The following ZNF248 variants were observed in gnomAD, a reference collection of about 807,000 sequenced individuals.
The protein encoded by ZNF248 is KRAB protein domain.
In ZNF248, 20 loss-of-function variants were observed where a neutral mutation model predicts 44.3. The ratio of observed to expected loss-of-function variants is 0.45; its 90% CI spans 0.32 to 0.66. The LOEUF is 0.66. Among genes scored for constraint, ZNF248 ranks in the 30% least tolerant of loss-of-function variants. ZNF248 has a pLI of 0.04. For synonymous variants in ZNF248, 224 were observed against 229.0 expected, an observed-to-expected ratio of 0.98 and a Z score of 0.20; for missense variants, 654 against 677.0, an observed-to-expected ratio of 0.97 and a Z score of 0.38.
chr10:37,831,848 C>T lies in ZNF248; in HGVS notation c.1507G>A (p.Val503Met), dbSNP rs1203067684. 1 of 1,613,974 alleles carries T rather than the reference C, an allele frequency of 6.2e-7. No individual in the cohort carries two copies. The highest frequency in any genetic ancestry group is 1.7e-5 in the Admixed American group (1 of 60,000). Residue 503 changes from valine to methionine, a missense_variant, in exon 6 of 6, where the codon GTG (valine) becomes ATG (methionine). Coordinates refer to ENST00000395867, the MANE Select transcript of ZNF248 (RefSeq NM_021045.3). The stretch of plus-strand genomic sequence containing the variant: ...TGATGTACAATGAGGTTTGACTTCA[C>T]ACAGAAGGATTTTCCACATTCATTA... Reference protein sequence around the residue: ...ICNECGKSFCVKSNLIVHQRT... With the variant: ...ICNECGKSFCMKSNLIVHQRT...
At chr10:37,771,531 TC>T (rs2046224311), downstream of ZNF248, among the ~76,000 whole-genome samples, 2 of 138,362 alleles carry the variant, frequency 1.4e-5, no homozygotes, top group Non-Finnish European at 3.1e-5. Context: ...GACAAAAAAA[TC>T]AAAACACCGC....
the ZNF248 span, among the ~76,000 whole-genome samples, chr10:37,762,763 T>C: frequency 6.6e-6 from 1 of 152,310 alleles, no homozygotes; most frequent in East Asian, 1.9e-4. Flanking sequence ...CTTGGCACAC[T>C]CGAGGCTTCC....
intron 6 of ZNF248, among the ~76,000 whole-genome samples, chr10:37,778,484 G>A (rs1274484190): frequency 1.3e-5 from 2 of 151,618 alleles, no homozygotes; most frequent in Admixed American, 1.3e-4. Flanking sequence ...CATTTTGTAG[G>A]TTGCCTGTTC....
chr10:37,855,603 C>T (rs1246066697), intron 3 of ZNF248, among the ~76,000 whole-genome samples: 4 of 152,110 alleles, frequency 2.6e-5, no homozygotes, highest in Admixed American at 2.6e-4. Flanking sequence ...CAGAGGGTGG[C>T]ATTACAGACA....
intron 3 of ZNF248, among the ~76,000 whole-genome samples, chr10:37,853,190 C>A (rs1482350692): frequency 6.6e-6 from 1 of 152,102 alleles, no homozygotes; most frequent in Non-Finnish European, 1.5e-5. Flanking sequence ...ACCTCAGAAC[C>A]AACCCCTGCC....
chr10:37,811,466 C>A (rs558678965), intron 6 of ZNF248, among the ~76,000 whole-genome samples: 9 of 151,694 alleles, frequency 5.9e-5, no homozygotes, highest in East Asian at 1.9e-4. Flanking sequence ...ATAAAAAAAA[C>A]CATGAAGGAT....
At position 37,829,462 on chromosome 10, in the gene ZNF248, C is replaced by T. The variant is rs1410218585; in HGVS notation, c.*2153G>A. The T allele has an allele frequency of 1.0e-6, 1 of 985,204 alleles. No individual in the cohort carries two copies. The highest frequency in any genetic ancestry group is 1.2e-6 in the Non-Finnish European group (1 of 829,920). The allele number at this position is 985,204 out of a possible 1,614,324, so 61.0% of individuals were successfully genotyped here. On this transcript the variant is annotated 3_prime_UTR_variant, in exon 6 of 6. Coordinates refer to ENST00000395867, the MANE Select transcript of ZNF248 (RefSeq NM_021045.3). ...ACTTGTGAAAAGAAATAATTCTTCC[C>T]CCTAATTACCATATAGAACATTAAC...
chr10:37,818,282 T>C (rs1218574039), intron 6 of ZNF248, among the ~76,000 whole-genome samples: 1 of 152,184 alleles, frequency 6.6e-6, no homozygotes, highest in East Asian at 1.9e-4. Flanking sequence ...CCCGTGAGTC[T>C]GCATGTTTTC....
At chr10:37,801,172 C>T (rs1431620400) in intron 6 of ZNF248, among the ~76,000 whole-genome samples, 2 of 151,796 alleles carry the variant, frequency 1.3e-5, no homozygotes, top group Non-Finnish European at 2.9e-5. Flanking sequence ...GTCAGGAGAT[C>T]GAGACCATCC....
the ZNF248 span, among the ~76,000 whole-genome samples, chr10:37,771,081 C>T: frequency 3.9e-5 from 6 of 152,314 alleles, no homozygotes; most frequent in African/African-American, 1.2e-4. Flanking sequence ...GATACCATCT[C>T]ACACCAGTTA....
intron 4 of ZNF248, 28 bp from the exon 5 acceptor site, chr10:37,837,740 G>A: frequency 6.3e-7 from 1 of 1,597,002 alleles, no homozygotes; most frequent in Admixed American, 1.7e-5. Flanking sequence ...CACAGGACTA[G>A]AGCTAAATAG....
At chr10:37,847,208 T>C (rs1316900838) in intron 3 of ZNF248, among the ~76,000 whole-genome samples, 1 of 152,024 alleles carries the variant, frequency 6.6e-6, no homozygotes, top group African/African-American at 2.4e-5. Flanking sequence ...TTTATTTTTA[T>C]TTTTATTTAT....
chr10:37,817,962 C>A (rs1271975641), intron 6 of ZNF248, among the ~76,000 whole-genome samples: 1 of 152,132 alleles, frequency 6.6e-6, no homozygotes, highest in Non-Finnish European at 1.5e-5. Context: ...GTCGCCCAGG[C>A]TGGAGTGCAG....
At chr10:37,787,605 A>C (rs760643688) in intron 6 of ZNF248, among the ~76,000 whole-genome samples, 1 of 151,834 alleles carries the variant, frequency 6.6e-6, no homozygotes, top group African/African-American at 2.4e-5. Context: ...AACAAATTGT[A>C]TGTCCACAAA....
intron 6 of ZNF248, among the ~76,000 whole-genome samples, chr10:37,796,697 CTT>C (rs200137373): frequency 7.1e-6 from 1 of 141,618 alleles, no homozygotes; most frequent in Non-Finnish European, 1.6e-5. Flanking sequence ...TCTAGGTTAC[CTT>C]TTTTTTTTTT....
At chr10:37,809,553 C>T (rs1322332404) in intron 6 of ZNF248, among the ~76,000 whole-genome samples, 3 of 152,222 alleles carry the variant, frequency 2.0e-5, no homozygotes, top group African/African-American at 7.2e-5. Context: ...GCTGGAATTA[C>T]AGGCATAAGC....
intron 6 of ZNF248, among the ~76,000 whole-genome samples, chr10:37,823,651 G>A (rs1564539736): frequency 6.6e-6 from 1 of 151,938 alleles, no homozygotes; most frequent in Non-Finnish European, 1.5e-5. Flanking sequence ...TCGGCTCACT[G>A]CAACCTCCAT....
At chr10:37,768,368 G>A in the ZNF248 span, among the ~76,000 whole-genome samples, 2 of 152,028 alleles carry the variant, frequency 1.3e-5, no homozygotes, top group Admixed American at 6.6e-5. Context: ...CACATACTTG[G>A]AAGTAAAGCT....
the ZNF248 span, among the ~76,000 whole-genome samples, chr10:37,771,185 C>T: frequency 2.0e-5 from 3 of 152,082 alleles, no homozygotes; most frequent in Non-Finnish European, 2.9e-5. Flanking sequence ...GAGTGTAAAC[C>T]AGTTCAACAA....
Sources: allele counts gnomAD v4.1 joint callset (sites outside exome capture counted in the v4.1 genomes callset), GRCh38; gene constraint gnomAD v4.1.1; transcripts MANE v1.5; gene names NCBI Gene and HGNC (gene_info 2026-07-23, HGNC 2026-07-21).